The following ADAMTS19 variants were observed in gnomAD, a reference collection of about 807,000 sequenced individuals.
The protein encoded by ADAMTS19 is ADAM metallopeptidase with thrombospondin type 1 motif 19.
ADAMTS19 carries 93 observed loss-of-function variants against 153.3 expected under a neutral mutation model. The observed-to-expected ratio is 0.61, with a 90% CI of 0.51 to 0.72. The LOEUF is 0.72. Among genes scored for constraint, ADAMTS19 ranks in the 30% least tolerant of loss-of-function variants. The pLI is 0.00. For synonymous variants in ADAMTS19, 600 were observed against 556.6 expected, an observed-to-expected ratio of 1.08 and a Z score of -1.10; for missense variants, 1,482 against 1,552.1, an observed-to-expected ratio of 0.95 and a Z score of 0.76.
intron 2 of ADAMTS19, among the ~76,000 whole-genome samples, chr5:129,474,287 GTTTA>G (rs753990143): frequency 3.3e-5 from 5 of 151,904 alleles, no homozygotes; most frequent in African/African-American, 1.2e-4. Flanking sequence ...ACCACATTTT[GTTTA>G]TTCATTCATC....
At chr5:129,657,249 A>G (rs1427379068) in intron 14 of ADAMTS19, among the ~76,000 whole-genome samples, 3 of 152,224 alleles carry the variant, frequency 2.0e-5, no homozygotes, top group African/African-American at 7.2e-5. Flanking sequence ...TGCTCCCAGC[A>G]CATTCATCCT....
intron 18 of ADAMTS19, among the ~76,000 whole-genome samples, chr5:129,690,344 T>G (rs1755278919): frequency 6.6e-6 from 1 of 152,166 alleles, no homozygotes; most frequent in Non-Finnish European, 1.5e-5. Context: ...TGAGGATTGG[T>G]GGGTGGGAAG....
intron 21 of ADAMTS19, among the ~76,000 whole-genome samples, chr5:129,718,522 AC>A (rs1468314981): frequency 1.3e-5 from 2 of 152,174 alleles, no homozygotes; most frequent in African/African-American, 4.8e-5. Context: ...ATCTTTAAAA[AC>A]AAACCTAACT....
intron 6 of ADAMTS19, 107 bp from the exon 7 acceptor site, chr5:129,551,757 G>A (rs369205355): frequency 1.6e-6 from 1 of 641,530 alleles, no homozygotes. Context: ...TCTTGGAGAT[G>A]ACAGATGTGC....
intron 10 of ADAMTS19, among the ~76,000 whole-genome samples, chr5:129,634,181 C>T (rs1334287049): frequency 2.0e-5 from 3 of 152,076 alleles, no homozygotes; most frequent in Non-Finnish European, 4.4e-5. Flanking sequence ...CAATCACTTT[C>T]ATAATTGCCA....
At chr5:129,643,367 CAAA>C (rs556007087) in intron 11 of ADAMTS19, among the ~76,000 whole-genome samples, 6 of 40,358 alleles carry the variant, frequency 1.5e-4, no homozygotes, top group African/African-American at 3.0e-4. Context: ...GTTTCAAAGA[CAAA>C]AAAAAAAAAA....
intron 10 of ADAMTS19, among the ~76,000 whole-genome samples, chr5:129,633,728 T>C (rs1205704233): frequency 2.0e-5 from 3 of 152,338 alleles, no homozygotes; most frequent in East Asian, 3.9e-4. Flanking sequence ...AGATTTAAAC[T>C]GGAAATTTTG....
At chr5:129,479,893 T>C (rs1304108228) in intron 2 of ADAMTS19, among the ~76,000 whole-genome samples, 1 of 152,144 alleles carries the variant, frequency 6.6e-6, no homozygotes, top group Non-Finnish European at 1.5e-5. Flanking sequence ...TATTTCTGAA[T>C]TGATTTATAG....
At chr5:129,700,902 TA>T (rs369893784) in intron 19 of ADAMTS19, among the ~76,000 whole-genome samples, 220 of 143,028 alleles carry the variant, frequency 1.5e-3, no homozygotes, top group Middle Eastern at 3.6e-3. Context: ...TGTGTTTGGT[TA>T]AAAAAAAAAA....
chr5:129,658,347 A>AGAGAGAGAGAGAGAGAGAGAG (rs1554103336), intron 14 of ADAMTS19, among the ~76,000 whole-genome samples: 7 of 116,064 alleles, frequency 6.0e-5, no homozygotes, highest in African/African-American at 2.6e-4. Flanking sequence ...GAAAGAAAGA[A>AGAGAGAGAGAGAGAGAGAGAG]AGAAAGAAAG....
chr5:129,710,763 G>A (rs950260160), intron 21 of ADAMTS19, among the ~76,000 whole-genome samples: 5 of 152,092 alleles, frequency 3.3e-5, no homozygotes, highest in African/African-American at 9.7e-5. Context: ...TCCACTGAAG[G>A]AAAACTCAGT....
intron 7 of ADAMTS19, among the ~76,000 whole-genome samples, chr5:129,576,699 G>A (rs1391983913): frequency 6.6e-6 from 1 of 151,718 alleles, no homozygotes; most frequent in Non-Finnish European, 1.5e-5. Context: ...AGCAATCACA[G>A]GTTCTTTCAC....
intron 13 of ADAMTS19, among the ~76,000 whole-genome samples, chr5:129,653,359 A>C (rs1489683258): frequency 6.6e-6 from 1 of 152,186 alleles, no homozygotes; most frequent in Non-Finnish European, 1.5e-5. Context: ...TACTAGTGTT[A>C]CCAAATACTG....
Position 129,461,032 on chromosome 5 carries a change from G to T in ADAMTS19, c.92-70G>T. 1.6e-6 allele frequency: 2 copies of T among 1,282,480 alleles called. No homozygotes were observed. Among genetic ancestry groups the T allele is most frequent in the Non-Finnish European group, 9.8e-7 (1 of 1,017,048 alleles). The allele number at this position is 1,282,480 out of a possible 1,614,324, so 79.4% of individuals were successfully genotyped here. ...AGCGCCCTGTATCTATGGACTGTGA[G>T]CTTGGAAATGTTTGTGCTACTGGAA... is the stretch of plus-strand genomic sequence containing the variant. On this transcript the variant is annotated intron_variant, in intron 1 of 22. Coordinates refer to ENST00000274487, the MANE Select transcript of ADAMTS19 (RefSeq NM_133638.6). This position sits in a 1 kb window ranked among gnomAD's most constrained non-coding sequence, Gnocchi z 4.6.
intron 8 of ADAMTS19, among the ~76,000 whole-genome samples, chr5:129,598,038 G>A (rs1581128418): frequency 6.6e-6 from 1 of 152,304 alleles, no homozygotes; most frequent in East Asian, 1.9e-4. Context: ...CTCAGATTTA[G>A]TGAGGCCCTA....
intron 20 of ADAMTS19, among the ~76,000 whole-genome samples, chr5:129,702,785 G>C (rs1195469024): frequency 6.6e-6 from 1 of 151,390 alleles, no homozygotes; most frequent in Non-Finnish European, 1.5e-5. Flanking sequence ...GGAGAAAATT[G>C]GTCAGAAATA....
intron 7 of ADAMTS19, among the ~76,000 whole-genome samples, chr5:129,588,948 C>T (rs748256349): frequency 4.0e-4 from 60 of 151,670 alleles, no homozygotes; most frequent in Non-Finnish European, 1.3e-4. Context: ...ACTTCTATTG[C>T]AATGATTATT....
intron 14 of ADAMTS19, among the ~76,000 whole-genome samples, chr5:129,657,972 T>C (rs1023668743): frequency 1.3e-5 from 2 of 152,146 alleles, no homozygotes; most frequent in Non-Finnish European, 2.9e-5. Context: ...CTTTATGGTA[T>C]CATTTAATAC....
chr5:129,576,594 T>A (rs1754110262), intron 7 of ADAMTS19, among the ~76,000 whole-genome samples: 1 of 152,080 alleles, frequency 6.6e-6, no homozygotes. Context: ...TTCTTTTTTT[T>A]TTTTTTAGTT....
Sources: gnomAD v4.1 joint callset for allele counts (sites outside exome capture counted in the v4.1 genomes callset) on GRCh38, gnomAD v4.1.1 for gene constraint, Gnocchi (gnomAD v3.1) non-coding constraint, MANE v1.5 for transcripts, NCBI Gene and HGNC (gene_info 2026-07-23, HGNC 2026-07-21) for gene names.